PLS1: variants seen among roughly 807,000 people sequenced by gnomAD.
PLS1 encodes plastin 1.
PLS1 carries 32 observed loss-of-function variants against 73.7 expected under a neutral mutation model. The ratio of observed to expected loss-of-function variants is 0.43; its 90% confidence interval spans 0.33 to 0.58. PLS1 has a LOEUF of 0.58. PLS1 is among the 20% of genes least tolerant of loss of function. PLS1 has a pLI of 0.04. For missense variants in PLS1, 633 were observed against 740.5 expected (o/e 0.85, Z 1.68); for synonymous variants, 217 against 261.3 (o/e 0.83, Z 1.63).
chr3:142,599,174 G>GAATA (rs1282698465), intron 1 of PLS1, among the ~76,000 whole-genome samples: 5 of 137,548 alleles, frequency 3.6e-5, no homozygotes, highest in African/African-American at 9.7e-5. Flanking sequence ...TTACATGAAT[G>GAATA]AATGAATAAA....
At chr3:142,680,961 G>A (rs2037840382) in intron 6 of PLS1, among the ~76,000 whole-genome samples, 1 of 152,120 alleles carries the variant, frequency 6.6e-6, no homozygotes, top group South Asian at 2.1e-4. Flanking sequence ...GGTTACAATA[G>A]TAGCTATTAA....
At chr3:142,706,470 G>A (rs966930230) in intron 14 of PLS1, among the ~76,000 whole-genome samples, 16 of 152,152 alleles carry the variant, frequency 1.1e-4, no homozygotes, top group Admixed American at 2.6e-4. Flanking sequence ...CAGAAAGTTA[G>A]GAGAAATAGG....
At chr3:142,690,438 T>G (rs1296286504) in intron 10 of PLS1, among the ~76,000 whole-genome samples, 1 of 152,216 alleles carries the variant, frequency 6.6e-6, no homozygotes, top group Non-Finnish European at 1.5e-5. Context: ...GCATTGTTCA[T>G]GCTGTGTTAT....
At chr3:142,678,291 C>CT (rs1156280127) in intron 6 of PLS1, among the ~76,000 whole-genome samples, 178 bp downstream of exon 6, 4 of 148,208 alleles carry the variant, frequency 2.7e-5, no homozygotes, top group South Asian at 2.1e-4. Flanking sequence ...TATTATTATA[C>CT]TTTAAGTTTT....
At chr3:142,709,408 G>A (rs1324942796) in intron 14 of PLS1, among the ~76,000 whole-genome samples, 1 of 152,132 alleles carries the variant, frequency 6.6e-6, no homozygotes, top group African/African-American at 2.4e-5. Flanking sequence ...CCTGCCCAGA[G>A]ATCTGTATCA....
At chr3:142,683,793 G>C (rs970906821) in intron 6 of PLS1, among the ~76,000 whole-genome samples, 1 of 151,550 alleles carries the variant, frequency 6.6e-6, no homozygotes, top group Admixed American at 6.6e-5. Context: ...ACTCAGAGGA[G>C]GTCTGGGTGG....
At chr3:142,682,849 T>A (rs186803438) in intron 6 of PLS1, among the ~76,000 whole-genome samples, 17 of 152,374 alleles carry the variant, frequency 1.1e-4, no homozygotes, top group Non-Finnish European at 2.4e-4. Context: ...ATTTGTAATT[T>A]GCTGTTAATT....
At chr3:142,640,697 G>A (rs180789317) in intron 1 of PLS1, among the ~76,000 whole-genome samples, 50 of 152,268 alleles carry the variant, frequency 3.3e-4, no homozygotes, top group African/African-American at 1.2e-3. Context: ...CAGTTTGATT[G>A]CAGCATGTGG....
chr3:142,635,664 C>T (rs2036669690), intron 1 of PLS1, among the ~76,000 whole-genome samples: 1 of 152,108 alleles, frequency 6.6e-6, no homozygotes, highest in South Asian at 2.1e-4. Flanking sequence ...ATTGTTCAGA[C>T]ATCAGTTCCC....
At chr3:142,681,973 C>G (rs896432562) in intron 6 of PLS1, among the ~76,000 whole-genome samples, 3 of 152,140 alleles carry the variant, frequency 2.0e-5, no homozygotes, top group African/African-American at 7.2e-5. Context: ...CGGTTTTTCT[C>G]CTGTATGACC....
chr3:142,656,072 G>C (rs1352945833), intron 1 of PLS1, among the ~76,000 whole-genome samples: 1 of 152,040 alleles, frequency 6.6e-6, no homozygotes, highest in Non-Finnish European at 1.5e-5. Context: ...AGCAATACTT[G>C]TGCCTCAACC....
At chr3:142,655,098 G>A (rs75094875) in intron 1 of PLS1, among the ~76,000 whole-genome samples, 6,740 of 152,138 alleles carry the variant, frequency 0.044, 502 homozygotes, top group African/African-American at 0.15. Flanking sequence ...AAATAAAATA[G>A]CAAAATAAGA....
chr3:142,640,561 T>G (rs2036809023), intron 1 of PLS1, among the ~76,000 whole-genome samples: 1 of 152,174 alleles, frequency 6.6e-6, no homozygotes, highest in African/African-American at 2.4e-5. Flanking sequence ...AAATGGTATT[T>G]CATTGGATCT....
At chr3:142,711,451 A>C (rs772934955) in intron 14 of PLS1, 50 bp from the exon 15 acceptor site, 2 of 1,378,808 alleles carry the variant, frequency 1.5e-6, no homozygotes, top group Non-Finnish European at 2.0e-6. Context: ...AAAATAATGA[A>C]AATTAAAGGT....
chr3:142,629,151 A>G (rs1310280024), intron 1 of PLS1, among the ~76,000 whole-genome samples: 1 of 152,188 alleles, frequency 6.6e-6, no homozygotes, highest in Non-Finnish European at 1.5e-5. Flanking sequence ...AAGTAAAAAT[A>G]GAGATAACAA....
intron 1 of PLS1, among the ~76,000 whole-genome samples, chr3:142,626,666 C>T (rs1189181863): frequency 1.3e-5 from 2 of 152,076 alleles, no homozygotes; most frequent in Non-Finnish European, 2.9e-5. Context: ...TCACACTGCT[C>T]CTCTTTTGTT....
At chr3:142,644,349 C>A (rs1215121378) in intron 1 of PLS1, among the ~76,000 whole-genome samples, 1 of 152,046 alleles carries the variant, frequency 6.6e-6, no homozygotes, top group Non-Finnish European at 1.5e-5. Flanking sequence ...TTCCCAGGCT[C>A]AAGGGATTCT....
chr3:142,697,865 G>A (rs1018901878), intron 11 of PLS1, 88 bp from the exon 12 acceptor site: 2 of 691,768 alleles, frequency 2.9e-6, no homozygotes, highest in Middle Eastern at 2.5e-4. Context: ...TGTTCTTAAA[G>A]ATATAAGTCT....
chr3:142,631,778 T>C (rs79168511), intron 1 of PLS1, among the ~76,000 whole-genome samples: 4 of 150,194 alleles, frequency 2.7e-5, no homozygotes, highest in South Asian at 2.1e-4. Context: ...GAAGAAAACA[T>C]TGGGTGAAAG....
Sources: gnomAD v4.1 joint callset for allele counts (sites outside exome capture counted in the v4.1 genomes callset) on GRCh38, gnomAD v4.1.1 for gene constraint, MANE v1.5 for transcripts, NCBI Gene and HGNC (gene_info 2026-07-23, HGNC 2026-07-21) for gene names.